Variants in NTNG1 observed in about 807,000 individuals in gnomAD.
NTNG1 encodes the protein netrin-G1.
A neutral mutation model predicts 54.0 loss-of-function variants in NTNG1; 16 were observed. The ratio of observed to expected loss-of-function variants is 0.30; its 90% CI spans 0.20 to 0.45. The LOEUF (loss-of-function observed/expected upper bound fraction) is 0.45. Ranked by LOEUF, NTNG1 falls within the 20% of genes least tolerant of loss-of-function variation. The pLI is 1.00. For missense variants in NTNG1, 530 were observed against 678.7 expected, an observed-to-expected ratio of 0.78 and a Z score of 2.43; for synonymous variants, 255 against 263.1, an observed-to-expected ratio of 0.97 and a Z score of 0.30.
chr1:107,471,949 T>A (rs1317013283), intron 7 of NTNG1, among the ~76,000 whole-genome samples: 2 of 152,202 alleles, frequency 1.3e-5, no homozygotes, highest in African/African-American at 4.8e-5. Context: ...TATATTTTTT[T>A]AGAGCACCTC....
intron 2 of NTNG1, among the ~76,000 whole-genome samples, chr1:107,238,435 T>C (rs537092880): frequency 1.6e-4 from 25 of 152,244 alleles, no homozygotes; most frequent in Non-Finnish European, 2.5e-4. Context: ...TTAAGACTTT[T>C]GGGGACTGTT....
chr1:107,165,907 T>A (rs1365199947), intron 2 of NTNG1, among the ~76,000 whole-genome samples: 2 of 152,200 alleles, frequency 1.3e-5, no homozygotes, highest in East Asian at 3.8e-4. Context: ...CTACGTTGTG[T>A]TCCCTAAGTG....
chr1:107,392,489 T>C (rs1283864693), intron 3 of NTNG1, among the ~76,000 whole-genome samples: 1 of 152,012 alleles, frequency 6.6e-6, no homozygotes, highest in East Asian at 1.9e-4. Context: ...AAGAGGTTCC[T>C]GAAAACGAGC....
chr1:107,239,972 T>C (rs1661710710), intron 2 of NTNG1, among the ~76,000 whole-genome samples: 2 of 152,222 alleles, frequency 1.3e-5, no homozygotes, highest in South Asian at 4.1e-4. Flanking sequence ...GTTACACTAG[T>C]CACACTTCAA....
chr1:107,428,316 C>T (rs901164381), intron 5 of NTNG1, among the ~76,000 whole-genome samples: 2 of 152,092 alleles, frequency 1.3e-5, no homozygotes, highest in African/African-American at 4.8e-5. Flanking sequence ...ATGAAGTTCT[C>T]CTTCTACTTA....
intron 1 of NTNG1, among the ~76,000 whole-genome samples, chr1:107,144,984 G>A (rs140413126): frequency 1.3e-5 from 2 of 151,984 alleles, no homozygotes; most frequent in East Asian, 1.9e-4. Context: ...TAGGTGATAC[G>A]GACACCTGAG....
chr1:107,171,623 C>T (rs1239989435), intron 2 of NTNG1, among the ~76,000 whole-genome samples: 4 of 152,156 alleles, frequency 2.6e-5, no homozygotes, highest in Non-Finnish European at 1.5e-5. Context: ...GTGGAACCTC[C>T]ATGGGGCTCT....
intron 2 of NTNG1, among the ~76,000 whole-genome samples, chr1:107,242,473 G>A (rs1661907446): frequency 6.6e-6 from 1 of 152,172 alleles, no homozygotes; most frequent in Non-Finnish European, 1.5e-5. Flanking sequence ...CAACCACATA[G>A]TTGTATTAAA....
chr1:107,291,366 G>A (rs1437840198), intron 2 of NTNG1, among the ~76,000 whole-genome samples: 1 of 152,014 alleles, frequency 6.6e-6, no homozygotes, highest in Non-Finnish European at 1.5e-5. Flanking sequence ...GTCAACAATA[G>A]GCTATTACTA....
intron 1 of NTNG1, among the ~76,000 whole-genome samples, chr1:107,144,744 A>C (rs1176489580): frequency 2.6e-5 from 4 of 152,068 alleles, no homozygotes; most frequent in Non-Finnish European, 5.9e-5. Flanking sequence ...TATCAACTTG[A>C]GGGCCATGAC....
At chr1:107,477,159 G>A (rs1290468570) in intron 7 of NTNG1, among the ~76,000 whole-genome samples, 1 of 152,188 alleles carries the variant, frequency 6.6e-6, no homozygotes, top group Non-Finnish European at 1.5e-5. Flanking sequence ...CCTCTAAGGT[G>A]GGGTAATGGC....
At chr1:107,243,013 G>A (rs1227678957) in intron 2 of NTNG1, among the ~76,000 whole-genome samples, 2 of 152,214 alleles carry the variant, frequency 1.3e-5, no homozygotes, top group Non-Finnish European at 2.9e-5. Flanking sequence ...TTGCCAGAGG[G>A]TTTTTGATTT....
intron 2 of NTNG1, among the ~76,000 whole-genome samples, chr1:107,247,808 A>C (rs1219383304): frequency 6.6e-6 from 1 of 152,240 alleles, no homozygotes; most frequent in African/African-American, 2.4e-5. Context: ...TCCATCAGCT[A>C]TCCAGACCTT....
intron 3 of NTNG1, among the ~76,000 whole-genome samples, chr1:107,346,359 G>C (rs1001700011): frequency 1.3e-5 from 2 of 152,154 alleles, no homozygotes; most frequent in African/African-American, 4.8e-5. Flanking sequence ...CTGCAGGCTG[G>C]AGAAAAAGAC....
At chr1:107,379,135 A>T (rs1671488603) in intron 3 of NTNG1, among the ~76,000 whole-genome samples, 1 of 152,184 alleles carries the variant, frequency 6.6e-6, no homozygotes, top group South Asian at 2.1e-4. Context: ...TGATATTTCC[A>T]GTCCTGCAGG....
In NTNG1 at chr1:107,253,460, T is replaced by C. The variant is rs577728786; in HGVS notation, c.247-70822T>C. ...TCTAAATTCTCAGAATTAGCTTCCA[T>C]GTCACCCATTTTCCCCAGAAAATCA... On this transcript the variant is annotated intron_variant, in intron 2 of 7. Coordinates refer to ENST00000370068, the MANE Select transcript of NTNG1 (RefSeq NM_001113226.3). Among the ~76,000 whole-genome samples the C allele has an allele frequency of 6.6e-5, 10 of 152,354 alleles. No individual in the cohort carries two copies. The South Asian group carries it at 2.1e-3, about 32-fold the overall frequency.
intron 7 of NTNG1, among the ~76,000 whole-genome samples, chr1:107,442,484 C>G (rs1049366798): frequency 6.6e-6 from 1 of 152,008 alleles, no homozygotes; most frequent in Non-Finnish European, 1.5e-5. Flanking sequence ...TTTTGATGAA[C>G]ATTATTTCAG....
chr1:107,175,844 A>C (rs1467468981), intron 2 of NTNG1, among the ~76,000 whole-genome samples: 4 of 146,434 alleles, frequency 2.7e-5, no homozygotes, highest in Non-Finnish European at 5.9e-5. Flanking sequence ...AGAACAACTA[A>C]GTTTTAAGGC....
intron 2 of NTNG1, among the ~76,000 whole-genome samples, chr1:107,174,034 A>G (rs1656457650): frequency 2.6e-5 from 4 of 152,162 alleles, no homozygotes; most frequent in Admixed American, 2.0e-4. Flanking sequence ...AAGATAAAAC[A>G]GGATTGTTCT....
Sources: allele counts gnomAD v4.1 joint callset (sites outside exome capture counted in the v4.1 genomes callset), GRCh38; gene constraint gnomAD v4.1.1; transcripts MANE v1.5; gene names NCBI Gene and HGNC (gene_info 2026-07-23, HGNC 2026-07-21).